The following SLC2A13 variants were observed in gnomAD, a reference collection of about 807,000 sequenced individuals.
SLC2A13 encodes the protein proton myo-inositol cotransporter.
A neutral mutation model predicts 64.4 loss-of-function variants in SLC2A13; 32 were observed. The observed-to-expected ratio is 0.50, with a 90% CI of 0.37 to 0.67. The LOEUF (loss-of-function observed/expected upper bound fraction) is 0.67, where lower values mean the gene tolerates loss of function less well. SLC2A13 is among the 30% of genes least tolerant of loss of function. SLC2A13 has a pLI of 0.00. For synonymous variants in SLC2A13, 338 were observed against 327.1 expected (o/e 1.03, Z -0.36); for missense variants, 743 against 829.2 (o/e 0.90, Z 1.28).
intron 3 of SLC2A13, among the ~76,000 whole-genome samples, chr12:40,007,239 G>A (rs1592000530): frequency 6.6e-6 from 1 of 152,144 alleles, no homozygotes; most frequent in African/African-American, 2.4e-5. Flanking sequence ...TGGAATTGCA[G>A]AAACTTTTGT....
chr12:40,022,121 T>A (rs1384735952), intron 3 of SLC2A13, among the ~76,000 whole-genome samples: 1 of 152,100 alleles, frequency 6.6e-6, no homozygotes, highest in Non-Finnish European at 1.5e-5. Context: ...TCAAATCATG[T>A]TTTAAAATGA....
At chr12:39,826,785 A>G (rs946162605) in intron 7 of SLC2A13, among the ~76,000 whole-genome samples, 6 of 150,520 alleles carry the variant, frequency 4.0e-5, no homozygotes, top group African/African-American at 9.8e-5. Context: ...TGCACCAATC[A>G]TAAGTATATA....
At chr12:40,018,837 T>C (rs1402222034) in intron 3 of SLC2A13, among the ~76,000 whole-genome samples, 1 of 152,120 alleles carries the variant, frequency 6.6e-6, no homozygotes, top group East Asian at 1.9e-4. Flanking sequence ...CACACCATTT[T>C]CTCCTCACCC....
intron 4 of SLC2A13, among the ~76,000 whole-genome samples, chr12:39,891,118 A>G: frequency 8.8e-6 from 1 of 113,442 alleles, no homozygotes; most frequent in African/African-American, 3.1e-5. Flanking sequence ...TTTCAAATAT[A>G]CCTTTTTTTT....
At chr12:39,961,816 T>C (rs575953401) in intron 3 of SLC2A13, among the ~76,000 whole-genome samples, 4 of 151,916 alleles carry the variant, frequency 2.6e-5, no homozygotes, top group Admixed American at 2.6e-4. Context: ...TTTCTTTTTA[T>C]GAGACAGAGT....
intron 1 of SLC2A13, among the ~76,000 whole-genome samples, chr12:40,069,254 T>C (rs1937862808): frequency 6.6e-6 from 1 of 152,198 alleles, no homozygotes; most frequent in Non-Finnish European, 1.5e-5. Flanking sequence ...TCACTCTTTC[T>C]GGTATTCATT....
At chr12:40,025,404 AT>A (rs1216466944) in intron 3 of SLC2A13, among the ~76,000 whole-genome samples, 1 of 152,236 alleles carries the variant, frequency 6.6e-6, no homozygotes, top group Non-Finnish European at 1.5e-5. Context: ...TCAAGTTTAA[AT>A]TCAAGTGAAC....
chr12:39,997,623 G>T (rs1374295202), intron 3 of SLC2A13, among the ~76,000 whole-genome samples: 1 of 152,152 alleles, frequency 6.6e-6, no homozygotes, highest in East Asian at 1.9e-4. Flanking sequence ...GAGGTCAAGA[G>T]ATCGAGACCA....
intron 7 of SLC2A13, among the ~76,000 whole-genome samples, chr12:39,776,551 G>C (rs886256739): frequency 6.6e-6 from 1 of 152,218 alleles, no homozygotes. Flanking sequence ...CACAGAAGTT[G>C]AATGACAGAG....
intron 3 of SLC2A13, among the ~76,000 whole-genome samples, chr12:39,955,792 G>C (rs1407083575): frequency 6.6e-6 from 1 of 152,074 alleles, no homozygotes. Context: ...TGCAGAGATT[G>C]GACCTACGCA....
chr12:40,035,819 A>G (rs1947975123), intron 2 of SLC2A13, among the ~76,000 whole-genome samples: 1 of 152,226 alleles, frequency 6.6e-6, no homozygotes, highest in African/African-American at 2.4e-5. Flanking sequence ...GGGTTATTTA[A>G]AATGTCATGA....
At chr12:40,068,434 G>A (rs2136264668) in intron 1 of SLC2A13, 1 of 238,722 alleles carries the variant, frequency 4.2e-6, no homozygotes, top group Non-Finnish European at 8.5e-6. Context: ...CTCAAAGCTG[G>A]GCACTTGTTA....
At chr12:39,770,090 C>A (rs1018909474) in intron 7 of SLC2A13, among the ~76,000 whole-genome samples, 2 of 152,036 alleles carry the variant, frequency 1.3e-5, no homozygotes, top group African/African-American at 2.4e-5. Context: ...GTATTCATTG[C>A]TTTTTAAATT....
In SLC2A13 at chr12:39,850,810, T is replaced by C. The variant is rs545407325; in HGVS notation, c.1319+13952A>G. Among the ~76,000 whole-genome samples, 16 of 152,266 alleles carry C rather than the reference T, an allele frequency of 1.1e-4. No individual in the cohort carries two copies. In the South Asian group the frequency reaches 2.9e-3, roughly 28 times the overall value. The stretch of plus-strand genomic sequence containing the variant: ...TTTATTATATCACACGGAATTTTTG[T>C]GAAGATATCTATCGCCATAATAATG... On this transcript the variant is annotated intron_variant, in intron 6 of 9. Transcript: ENST00000280871.
At chr12:39,839,888 T>G (rs1943133267) in intron 6 of SLC2A13, among the ~76,000 whole-genome samples, 1 of 152,120 alleles carries the variant, frequency 6.6e-6, no homozygotes, top group Non-Finnish European at 1.5e-5. Flanking sequence ...TCTTTGGCTT[T>G]CTTGCCAAAC....
At chr12:40,032,455 C>T (rs901823510) in intron 2 of SLC2A13, among the ~76,000 whole-genome samples, 1 of 152,204 alleles carries the variant, frequency 6.6e-6, no homozygotes, top group Admixed American at 6.5e-5. Flanking sequence ...CTAGCAGTAC[C>T]AGCACCTGCC....
At chr12:39,814,921 G>A (rs1327945993) in intron 7 of SLC2A13, among the ~76,000 whole-genome samples, 2 of 151,908 alleles carry the variant, frequency 1.3e-5, no homozygotes, top group Admixed American at 6.6e-5. Context: ...TTGTGGAGCT[G>A]AGATTTTTAA....
rs1390521509 is a variant in SLC2A13, at chr12:39,758,913, AG to A, written c.*1112del. ...AATAATAATATGTGACATTTCCCTTAGGAAGAGCTAATAAAAAGTTAAGAAA... is the reference window on the plus strand; with the variant it reads ...AATAATAATATGTGACATTTCCCTTAGAAGAGCTAATAAAAAGTTAAGAAA... On this transcript the variant is annotated 3_prime_UTR_variant, in exon 10 of 10. Coordinates refer to ENST00000280871, the MANE Select transcript of SLC2A13 (RefSeq NM_052885.4). 2 of 152,158 alleles carry A rather than the reference AG, an allele frequency of 1.3e-5. No homozygotes were observed. The highest frequency in any genetic ancestry group is 2.9e-5 in the Non-Finnish European group (2 of 67,896). 9.4% of individuals were successfully genotyped at this position (152,158 alleles called of 1,614,324 possible). A position where few individuals can be genotyped will look rare whatever the true frequency, so the allele number is the denominator to read the frequency against.
intron 4 of SLC2A13, among the ~76,000 whole-genome samples, chr12:39,884,511 G>A (rs1186288271): frequency 1.3e-5 from 2 of 152,144 alleles, no homozygotes; most frequent in East Asian, 3.8e-4. Flanking sequence ...TAGAAAATAA[G>A]TACATCATGG....
Sources: gnomAD v4.1 joint callset for allele counts (sites outside exome capture counted in the v4.1 genomes callset) on GRCh38, gnomAD v4.1.1 for gene constraint, MANE v1.5 for transcripts, NCBI Gene and HGNC (gene_info 2026-07-23, HGNC 2026-07-21) for gene names.